FAM135B: variants seen among roughly 807,000 people sequenced by gnomAD.
The protein encoded by FAM135B is family with sequence similarity 135 member B.
Under a neutral mutation model 127.7 loss-of-function variants are expected in FAM135B, and 43 were observed. The ratio of observed to expected loss-of-function variants is 0.34; its 90% CI spans 0.26 to 0.43. FAM135B has a LOEUF of 0.43. Among genes scored for constraint, FAM135B ranks in the 20% least tolerant of loss-of-function variants. FAM135B has a pLI of 1.00. For synonymous variants in FAM135B, 670 were observed against 665.1 expected (o/e 1.01, Z -0.11); for missense variants, 1,558 against 1,725.6 (o/e 0.90, Z 1.72).
chr8:138,399,523 G>C (rs1308120770), intron 1 of FAM135B, among the ~76,000 whole-genome samples: 1 of 152,078 alleles, frequency 6.6e-6, no homozygotes, highest in African/African-American at 2.4e-5. Flanking sequence ...CATATGGGTG[G>C]GTCTTGGGGC....
chr8:138,238,038 T>C (rs1255103643), intron 7 of FAM135B, among the ~76,000 whole-genome samples: 1 of 151,952 alleles, frequency 6.6e-6, no homozygotes, highest in Admixed American at 6.6e-5. Context: ...GATGATCATA[T>C]CCAATTATCT....
At chr8:138,136,996 C>T (rs1317266972) in intron 19 of FAM135B, 151 bp downstream of exon 19, 14 of 613,308 alleles carry the variant, frequency 2.3e-5, no homozygotes, top group African/African-American at 7.4e-5. Context: ...ACAGTAACAT[C>T]GAGATGAGCT....
chr8:138,339,358 A>AATATATATATATATATATATATAT lies in FAM135B; in HGVS notation c.78-28462_78-28439dup, dbSNP rs143774221. Among the ~76,000 whole-genome samples, 151 of 147,692 alleles carry AATATATATATATATATATATATAT rather than the reference A, an allele frequency of 1.0e-3. 1 individual carries two copies. Among genetic ancestry groups the AATATATATATATATATATATATAT allele is most frequent in the African/African-American group, 3.6e-3 (142 of 39,074 alleles). On this transcript the variant is annotated intron_variant, in intron 2 of 19. Transcript: ENST00000395297. ...TGCATCCTGTTTAAAAAACTAACTA[A>AATATATATATATATATATATATAT]ATATATATATATATATATATATATA...
chr8:138,392,267 T>G (rs941207800), intron 1 of FAM135B, among the ~76,000 whole-genome samples: 1 of 152,180 alleles, frequency 6.6e-6, no homozygotes, highest in Non-Finnish European at 1.5e-5. Context: ...CCAACTTGCA[T>G]GTATCTCTAG....
intron 2 of FAM135B, among the ~76,000 whole-genome samples, chr8:138,336,529 C>G (rs559486601): frequency 1.3e-5 from 2 of 152,130 alleles, no homozygotes; most frequent in African/African-American, 4.8e-5. Context: ...CATTCCTCGA[C>G]ACATACACCC....
At position 138,137,163 on chromosome 8, in the gene FAM135B, G is replaced by T; in HGVS notation, c.3999C>A (p.Leu1333=). Residue 1333 remains leucine, a synonymous_variant, in exon 19 of 20, where the codon CTC becomes CTA. Transcript: ENST00000395297. ...GTAGCTTACCTGTGTGTCTGTCTTT[G>T]AGGGCAGTTTTACACATTTCAATCC... ...SARIEMCKTA[L]KDRHTGPVYA... The T allele has an allele frequency of 6.4e-7, 1 of 1,565,454 alleles. No homozygotes were observed. Among genetic ancestry groups the T allele is most frequent in the Non-Finnish European group, 8.8e-7 (1 of 1,135,528 alleles).
intron 9 of FAM135B, among the ~76,000 whole-genome samples, chr8:138,193,699 G>A (rs1482157735): frequency 2.0e-5 from 3 of 152,186 alleles, no homozygotes; most frequent in African/African-American, 7.2e-5. Flanking sequence ...GCCAGCCCTG[G>A]AAGGAGAGGC....
chr8:138,476,197 C>T (rs1814424471), intron 1 of FAM135B, among the ~76,000 whole-genome samples: 1 of 151,898 alleles, frequency 6.6e-6, no homozygotes, highest in Non-Finnish European at 1.5e-5. Flanking sequence ...CAGTGGTTGC[C>T]AAGGGTCTGG....
At chr8:138,196,431 C>T (rs899844383) in intron 8 of FAM135B, among the ~76,000 whole-genome samples, 1 of 152,180 alleles carries the variant, frequency 6.6e-6, no homozygotes, top group African/African-American at 2.4e-5. Context: ...ACAACTATAA[C>T]CCTGTACCTA....
intron 3 of FAM135B, among the ~76,000 whole-genome samples, chr8:138,269,362 C>T (rs191024354): frequency 1.4e-4 from 22 of 152,332 alleles, no homozygotes; most frequent in African/African-American, 5.1e-4. Context: ...GGACCATCTA[C>T]TTGTGGACTA....
At chr8:138,204,285 T>A (rs924046354) in intron 7 of FAM135B, among the ~76,000 whole-genome samples, 1 of 152,224 alleles carries the variant, frequency 6.6e-6, no homozygotes. Flanking sequence ...ATCACCAAGA[T>A]GCAGGTCAAA....
At chr8:138,191,693 A>G (rs1816140473) in intron 9 of FAM135B, among the ~76,000 whole-genome samples, 1 of 152,206 alleles carries the variant, frequency 6.6e-6, no homozygotes, top group African/African-American at 2.4e-5. Context: ...CCAAAAGATG[A>G]ATGGCAGTCG....
At chr8:138,489,529 T>C (rs1195532121) in intron 1 of FAM135B, among the ~76,000 whole-genome samples, 2 of 152,232 alleles carry the variant, frequency 1.3e-5, no homozygotes, top group African/African-American at 4.8e-5. Context: ...ATTCTTTATA[T>C]TGCAACCAGA....
intron 4 of FAM135B, among the ~76,000 whole-genome samples, chr8:138,261,996 C>T (rs1215762958): frequency 6.6e-6 from 1 of 152,148 alleles, no homozygotes; most frequent in Non-Finnish European, 1.5e-5. Context: ...CTTTTATTAT[C>T]CCTGATTTGT....
At chr8:138,318,595 T>G (rs1442148697) in intron 2 of FAM135B, among the ~76,000 whole-genome samples, 2 of 152,162 alleles carry the variant, frequency 1.3e-5, no homozygotes, top group African/African-American at 4.8e-5. Flanking sequence ...AGCCACAGAG[T>G]TGGCAAAGGG....
At chr8:138,417,240 C>G (rs962046865) in intron 1 of FAM135B, among the ~76,000 whole-genome samples, 22 of 152,140 alleles carry the variant, frequency 1.4e-4, no homozygotes, top group African/African-American at 5.1e-4. Flanking sequence ...CATCTGCTGG[C>G]TTATCCCAGA....
At chr8:138,472,143 C>T (rs1341222287) in intron 1 of FAM135B, among the ~76,000 whole-genome samples, 1 of 151,972 alleles carries the variant, frequency 6.6e-6, no homozygotes, top group Non-Finnish European at 1.5e-5. Context: ...AGGACAGAGA[C>T]AGGAGGGGAC....
At chr8:138,268,674 G>A (rs1043160880) in intron 3 of FAM135B, among the ~76,000 whole-genome samples, 1 of 152,138 alleles carries the variant, frequency 6.6e-6, no homozygotes, top group African/African-American at 2.4e-5. Context: ...CCTCCTTGCT[G>A]GTGAAATCAG....
chr8:138,276,105 TG>T (rs1307837169), intron 3 of FAM135B, among the ~76,000 whole-genome samples: 1 of 152,110 alleles, frequency 6.6e-6, no homozygotes, highest in African/African-American at 2.4e-5. Context: ...ATGCACAACA[TG>T]GGGCTTTCTG....
Sources: allele counts gnomAD v4.1 joint callset (sites outside exome capture counted in the v4.1 genomes callset), GRCh38; gene constraint gnomAD v4.1.1; transcripts MANE v1.5; gene names NCBI Gene and HGNC (gene_info 2026-07-23, HGNC 2026-07-21).